JAM3: variants seen among roughly 807,000 people sequenced by gnomAD.
JAM3 encodes the protein junctional adhesion molecule C.
A neutral mutation model predicts 39.4 loss-of-function variants in JAM3; 31 were observed. The observed-to-expected ratio is 0.79, with a 90% CI of 0.59 to 1.06. The LOEUF (loss-of-function observed/expected upper bound fraction) is 1.06. Ranked by LOEUF, JAM3 falls within the 50% of genes least tolerant of loss-of-function variation. JAM3 has a pLI of 0.00. For synonymous variants in JAM3, 182 were observed against 148.7 expected, an observed-to-expected ratio of 1.22 and a Z score of -1.63; for missense variants, 455 against 391.4, an observed-to-expected ratio of 1.16 and a Z score of -1.37.
At chr11:134,143,748 A>G (rs1029556658) in intron 3 of JAM3, among the ~76,000 whole-genome samples, 4 of 152,190 alleles carry the variant, frequency 2.6e-5, no homozygotes, top group Non-Finnish European at 5.9e-5. Flanking sequence ...CCATTGCCCA[A>G]TCCAAGGTCA....
intron 1 of JAM3, among the ~76,000 whole-genome samples, chr11:134,075,033 T>A (rs1941543415): frequency 6.7e-6 from 1 of 150,238 alleles, no homozygotes; most frequent in African/African-American, 2.5e-5. Context: ...GTTTTTCCTT[T>A]AAAGCATCTC....
chr11:134,131,933 GT>G (rs941350916), intron 1 of JAM3, among the ~76,000 whole-genome samples: 2 of 152,198 alleles, frequency 1.3e-5, no homozygotes, highest in African/African-American at 4.8e-5. Flanking sequence ...AGTGAACAGA[GT>G]CTAAGCGACT....
chr11:134,125,267 G>T (rs975126452), intron 1 of JAM3, among the ~76,000 whole-genome samples: 1 of 152,236 alleles, frequency 6.6e-6, no homozygotes, highest in Non-Finnish European at 1.5e-5. Flanking sequence ...GGAAGGAAGA[G>T]ATGGCTGTGT....
chr11:134,148,649 TC>T lies in JAM3; in HGVS notation c.816del (p.Phe272LeufsTer38). The T allele has an allele frequency of 6.2e-7, 1 of 1,614,110 alleles. No homozygotes were observed. The highest frequency in any genetic ancestry group is 8.5e-7 in the Non-Finnish European group (1 of 1,180,014). On this transcript the variant is annotated frameshift_variant, in exon 7 of 9. Transcript: ENST00000299106. LOFTEE classifies it high-confidence loss of function. The part of the protein sequence containing the change: ...GICCAYRRGY[F>X]INNKQDGESY... ...TGCTGTGCATACAGACGTGGCTACTTCATCAACAATAAACAGGATGGAGAAA... is the reference window on the plus strand; with the variant it reads ...TGCTGTGCATACAGACGTGGCTACTTATCAACAATAAACAGGATGGAGAAA...
chr11:134,132,420 T>G (rs898842603), intron 1 of JAM3, among the ~76,000 whole-genome samples: 1 of 152,084 alleles, frequency 6.6e-6, no homozygotes, highest in African/African-American at 2.4e-5. Flanking sequence ...ATAGGAAATA[T>G]GAAAGGGAGA....
chr11:134,124,427 C>G (rs1227460259), intron 1 of JAM3: 18 of 558,226 alleles, frequency 3.2e-5, no homozygotes, highest in Non-Finnish European at 5.1e-5. Flanking sequence ...ATTAAAAAGA[C>G]CACTAAAATG....
At chr11:134,081,308 A>G (rs1177268591) in intron 1 of JAM3, among the ~76,000 whole-genome samples, 1 of 152,224 alleles carries the variant, frequency 6.6e-6, no homozygotes, top group African/African-American at 2.4e-5. Flanking sequence ...GACAATGGGG[A>G]AAATGTCTTC....
At chr11:134,135,862 A>G (rs1942855961) in intron 1 of JAM3, among the ~76,000 whole-genome samples, 2 of 152,132 alleles carry the variant, frequency 1.3e-5, no homozygotes. Context: ...TGAGATCAGG[A>G]GTTCGAGACC....
At chr11:134,117,191 G>A (rs1942451541) in intron 1 of JAM3, among the ~76,000 whole-genome samples, 1 of 152,002 alleles carries the variant, frequency 6.6e-6, no homozygotes, top group African/African-American at 2.4e-5. Context: ...GTGAAACCCT[G>A]TCTCTACTAA....
chr11:134,093,928 C>T (rs1294141017), intron 1 of JAM3, among the ~76,000 whole-genome samples: 5 of 117,606 alleles, frequency 4.3e-5, no homozygotes, highest in African/African-American at 7.1e-5. Flanking sequence ...CTGAGGGAAG[C>T]TTCTCCTGAA....
chr11:134,149,699 T>TG lies in JAM3; in HGVS notation c.*519dup, dbSNP rs1943157539. 4.4e-6 allele frequency: 2 copies of TG among 456,534 alleles called. No individual in the cohort carries two copies. The highest frequency in any genetic ancestry group is 2.0e-5 in the African/African-American group (1 of 50,118). 28.3% of individuals were successfully genotyped at this position (456,534 alleles called of 1,614,324 possible). A position where few individuals can be genotyped will look rare whatever the true frequency, so the allele number is the denominator to read the frequency against. ...CGCAGTTTCTTCTTAAAGGCTCTGC[T>TG]GATCGGTGTTGCAGTGTCCATTGTG... On this transcript the variant is annotated 3_prime_UTR_variant, in exon 9 of 9. Transcript: ENST00000299106.
intron 1 of JAM3, among the ~76,000 whole-genome samples, chr11:134,074,451 G>C (rs745373689): frequency 6.6e-6 from 1 of 152,170 alleles, no homozygotes; most frequent in Non-Finnish European, 1.5e-5. Context: ...CCTTTTTCTA[G>C]CTTCTTAATA....
At chr11:134,078,696 T>C (rs1316104507) in intron 1 of JAM3, among the ~76,000 whole-genome samples, 1 of 152,218 alleles carries the variant, frequency 6.6e-6, no homozygotes, top group Non-Finnish European at 1.5e-5. Flanking sequence ...CACACCCTTC[T>C]TTAAGTGTTC....
At chr11:134,140,898 TA>T (rs1046784180) in intron 3 of JAM3, 128 bp downstream of exon 3, 54 of 1,123,770 alleles carry the variant, frequency 4.8e-5, no homozygotes, top group African/African-American at 1.6e-4. Context: ...TTTTTTTTTT[TA>T]AAGATTTATA....
At chr11:134,095,902 CAG>C (rs1941973769) in intron 1 of JAM3, among the ~76,000 whole-genome samples, 1 of 152,192 alleles carries the variant, frequency 6.6e-6, no homozygotes, top group Admixed American at 6.5e-5. Flanking sequence ...TGCAAACACT[CAG>C]TGGACACATA....
chr11:134,122,332 G>A (rs891092768), intron 1 of JAM3, among the ~76,000 whole-genome samples: 9 of 152,086 alleles, frequency 5.9e-5, no homozygotes, highest in Admixed American at 4.6e-4. Context: ...TTAGAAGCAG[G>A]GCACTACTGA....
chr11:134,141,890 G>A (rs772330056), intron 3 of JAM3, among the ~76,000 whole-genome samples: 50 of 152,098 alleles, frequency 3.3e-4, no homozygotes, highest in African/African-American at 5.1e-4. Context: ...TCTCAGAGAA[G>A]TTGAGAGTTG....
Position 134,141,743 on chromosome 11 carries a change from G to A in JAM3, c.256+973G>A, listed in dbSNP as rs34540015. On this transcript the variant is annotated intron_variant, in intron 3 of 8. Transcript: ENST00000299106. ...AGAGACTCGAGGGGAGGCCTGCTGG[G>A]GCTTGGCTGTGCCAAGGGGCACAGA... Among the ~76,000 whole-genome samples the A allele has an allele frequency of 7.8e-3, 1,181 of 152,190 alleles. 11 individuals are homozygous for A. The highest frequency in any genetic ancestry group is 0.027 in the African/African-American group (1,110 of 41,526).
At chr11:134,148,402 G>C in intron 6 of JAM3, 145 bp from the exon 7 acceptor site, 2 of 881,502 alleles carry the variant, frequency 2.3e-6, no homozygotes, top group Non-Finnish European at 3.7e-6. Flanking sequence ...AGGATTGTAA[G>C]TGTTCTCTCT....
Sources: allele counts gnomAD v4.1 joint callset (sites outside exome capture counted in the v4.1 genomes callset), GRCh38; gene constraint gnomAD v4.1.1; transcripts MANE v1.5; gene names NCBI Gene and HGNC (gene_info 2026-07-23, HGNC 2026-07-21).